The following CCDC24 variants were observed in gnomAD, a reference collection of about 807,000 sequenced individuals.
CCDC24 encodes the protein coiled-coil domain containing 24.
Under a neutral mutation model 31.6 loss-of-function variants are expected in CCDC24, and 34 were observed. The observed-to-expected ratio is 1.08, with a 90% confidence interval of 0.82 to 1.43. CCDC24 has a LOEUF of 1.43. CCDC24 is among the 40% of genes most tolerant of loss of function. The pLI is 0.00. For synonymous variants in CCDC24, 175 were observed against 157.3 expected (o/e 1.11, Z -0.84); for missense variants, 426 against 391.1 (o/e 1.09, Z -0.75).
In CCDC24 at chr1:43,995,256, G is replaced by T. The variant is rs762001301; in HGVS notation, c.552+94G>T. 2.5e-6 allele frequency: 3 copies of T among 1,201,850 alleles called. No homozygotes were observed. Among genetic ancestry groups the T allele is most frequent in the Non-Finnish European group, 3.6e-6 (3 of 841,762 alleles). The allele number at this position is 1,201,850 out of a possible 1,614,324, so 74.4% of individuals were successfully genotyped here. ...CATGTACCTGTGTGCATACATAGGT[G>T]CATGTACAGGCTATGTGAGTCCTGC... On this transcript the variant is annotated intron_variant, in intron 6 of 8. Coordinates refer to ENST00000372318, the MANE Select transcript of CCDC24 (RefSeq NM_152499.4). The surrounding 1 kb of genome is among the most constrained non-coding windows in gnomAD (Gnocchi z 4.3).
intron 5 of CCDC24, 195 bp from the exon 6 acceptor site, chr1:43,994,912 TC>T (rs772031154): frequency 1.7e-5 from 10 of 596,552 alleles, no homozygotes; most frequent in Non-Finnish European, 3.0e-5. Flanking sequence ...GGAAGATACT[TC>T]CTGCCCAGAA....
Position 43,995,078 on chromosome 1 carries a change from G to C in CCDC24, c.498-30G>C. The C allele has an allele frequency of 6.4e-7, 1 of 1,562,926 alleles. No homozygotes were observed. Among genetic ancestry groups the C allele is most frequent in the South Asian group, 1.2e-5 (1 of 84,950 alleles). On this transcript the variant is annotated intron_variant, in intron 5 of 8. Transcript: ENST00000372318. The surrounding 1 kb of genome is among the most constrained non-coding windows in gnomAD (Gnocchi z 4.3). ...AGCTGAGCCCTGGTCCTGTGTCTCGGGTTCTGGCTGCTGCTCCCTCATGTC... is the reference window on the plus strand; with the variant it reads ...AGCTGAGCCCTGGTCCTGTGTCTCGCGTTCTGGCTGCTGCTCCCTCATGTC...
At position 43,996,262 on chromosome 1, in the gene CCDC24, C is replaced by T. The variant is rs568479661; in HGVS notation, c.*102C>T. 4.1e-5 allele frequency: 46 copies of T among 1,125,902 alleles called. No individual in the cohort carries two copies. Among genetic ancestry groups the T allele is most frequent in the South Asian group, 2.8e-4 (17 of 61,812 alleles). 69.7% of individuals were successfully genotyped at this position (1,125,902 alleles called of 1,614,324 possible). A position where few individuals can be genotyped will look rare whatever the true frequency, so the allele number is the denominator to read the frequency against. On this transcript the variant is annotated 3_prime_UTR_variant, in exon 9 of 9. Transcript: ENST00000372318. ...CAGCCAGCTTCAGATCTGGTCTTGG[C>T]GAGCTCTCGCCAGGACCCCAAGGCT...
At chr1:43,993,646 CAAAAA>C (rs57838666) in intron 4 of CCDC24, among the ~76,000 whole-genome samples, 2 of 62,488 alleles carry the variant, frequency 3.2e-5, no homozygotes, top group Non-Finnish European at 3.6e-5. Flanking sequence ...AATCTTGTCT[CAAAAA>C]AAAAAAAAAA....
chr1:43,994,868 G>A (rs895128980), intron 5 of CCDC24: 18 of 584,156 alleles, frequency 3.1e-5, no homozygotes, highest in Non-Finnish European at 4.6e-5. Flanking sequence ...GTGTGGGAGA[G>A]AGAAGGATGC....
At position 43,995,358 on chromosome 1, in the gene CCDC24, G is replaced by T. The variant is rs1180329450; in HGVS notation, c.552+196G>T. On this transcript the variant is annotated intron_variant, in intron 6 of 8. Transcript: ENST00000372318. This position sits in a 1 kb window ranked among gnomAD's most constrained non-coding sequence, Gnocchi z 4.3. ...CCAGGATTCTAGTTGAGCCCTTAAG[G>T]CCAGGGCCAACCGTTTTAGGTCTTT... 8 of 726,630 alleles carry T rather than the reference G, an allele frequency of 1.1e-5. No homozygotes were observed. The African/African-American group carries it at 1.2e-4, about 11-fold the overall frequency. The allele number at this position is 726,630 out of a possible 1,614,324, so 45.0% of individuals were successfully genotyped here. A position where few individuals can be genotyped will look rare whatever the true frequency, so the allele number is the denominator to read the frequency against.
In CCDC24 at chr1:43,995,096, C is replaced by G; in HGVS notation, c.498-12C>G. 1 of 1,576,104 alleles carries G rather than the reference C, an allele frequency of 6.3e-7. No homozygotes were observed. Among genetic ancestry groups the G allele is most frequent in the South Asian group, 1.2e-5 (1 of 85,990 alleles). Reference sequence around the variant, plus strand: ...TGTCTCGGGTTCTGGCTGCTGCTCCCTCATGTCCCAGGGGCCTTCTGGAGG... The same window carrying G: ...TGTCTCGGGTTCTGGCTGCTGCTCCGTCATGTCCCAGGGGCCTTCTGGAGG... On this transcript the variant is annotated splice_polypyrimidine_tract_variant and intron_variant, in intron 5 of 8. Transcript: ENST00000372318. The surrounding 1 kb of genome is among the most constrained non-coding windows in gnomAD (Gnocchi z 4.3).
Position 43,992,301 on chromosome 1 carries a change from A to T in CCDC24, c.216A>T (p.Ala72=), listed in dbSNP as rs1375761909. 1 of 1,613,670 alleles carries T rather than the reference A, an allele frequency of 6.2e-7. No homozygotes were observed. The highest frequency in any genetic ancestry group is 1.7e-5 in the Admixed American group (1 of 59,996). ...TCTCTGACCCCTCTTCTCTTCTGGC[A>T]CCACCGCCTCTCCTAAAGGACCTCT... ...RPISDPSSLL[A]PPPLLKDLLR... Residue 72 remains alanine, a synonymous_variant, in exon 3 of 9, where the codon GCA becomes GCT. Coordinates refer to ENST00000372318, the MANE Select transcript of CCDC24 (RefSeq NM_152499.4).
At position 43,996,461 on chromosome 1, in the gene CCDC24, C is replaced by G. The variant is rs201668083; in HGVS notation, c.*301C>G. 42 of 384,576 alleles carry G rather than the reference C, an allele frequency of 1.1e-4. No homozygotes were observed. The highest frequency in any genetic ancestry group is 1.8e-4 in the Non-Finnish European group (39 of 215,074). 23.8% of individuals were successfully genotyped at this position (384,576 alleles called of 1,614,324 possible). On this transcript the variant is annotated 3_prime_UTR_variant, in exon 9 of 9. Transcript: ENST00000372318. ...GCCTGACTCTTGTCCCCTGGGGGAC[C>G]CAGACAAAGCACAGCAGCCGCTCAG...
At position 43,994,007 on chromosome 1, in the gene CCDC24, G is replaced by A. The variant is rs377755686; in HGVS notation, c.497+43G>A. 540 of 1,544,686 alleles carry A rather than the reference G, an allele frequency of 3.5e-4. 2 individuals are homozygous for A. The African/African-American group carries it at 6.8e-3, about 19-fold the overall frequency. On this transcript the variant is annotated intron_variant, in intron 5 of 8. Transcript: ENST00000372318. ...CTGCATGTGTATAGGCAGGGGTGGA[G>A]ACAAGGATGGATCTTGAGGTGCTGG...
chr1:43,994,763 C>T (rs1410889714), intron 5 of CCDC24: 2 of 325,564 alleles, frequency 6.1e-6, no homozygotes, highest in East Asian at 5.6e-5. Flanking sequence ...AAAATAAATA[C>T]CTTGACACAG....
At chr1:43,992,491 C>T in intron 3 of CCDC24, 32 bp from the exon 4 acceptor site, 4 of 1,613,416 alleles carry the variant, frequency 2.5e-6, no homozygotes, top group Non-Finnish European at 3.4e-6. Flanking sequence ...AGAAAGGAGC[C>T]TCTCAGCTTC....
At position 43,995,304 on chromosome 1, in the gene CCDC24, C is replaced by T. The variant is rs1036704126; in HGVS notation, c.552+142C>T. ...TGCATCCATTTCTCAGGGGTGCATG[C>T]TTGTGTGCACCTGCAAAATCCTGGA... On this transcript the variant is annotated intron_variant, in intron 6 of 8. Transcript: ENST00000372318. The surrounding 1 kb of genome is among the most constrained non-coding windows in gnomAD (Gnocchi z 4.3). 2.5e-5 allele frequency: 23 copies of T among 912,450 alleles called. No homozygotes were observed. In the East Asian group the frequency reaches 5.9e-4, roughly 23 times the overall value. The allele number at this position is 912,450 out of a possible 1,614,324, so 56.5% of individuals were successfully genotyped here. A position where few individuals can be genotyped will look rare whatever the true frequency, so the allele number is the denominator to read the frequency against.
At position 43,996,448 on chromosome 1, in the gene CCDC24, T is replaced by C; in HGVS notation, c.*288T>C. 2.5e-6 allele frequency: 1 copy of C among 402,290 alleles called. No homozygotes were observed. Among genetic ancestry groups the C allele is most frequent in the South Asian group, 7.0e-5 (1 of 14,340 alleles). The allele number at this position is 402,290 out of a possible 1,614,324, so 24.9% of individuals were successfully genotyped here. On this transcript the variant is annotated 3_prime_UTR_variant, in exon 9 of 9. Coordinates refer to ENST00000372318, the MANE Select transcript of CCDC24 (RefSeq NM_152499.4). ...AGGTCTCATTCCAGCCTGACTCTTG[T>C]CCCCTGGGGGACCCAGACAAAGCAC... is the stretch of plus-strand genomic sequence containing the variant.
Position 43,995,697 on chromosome 1 carries a change from C to T in CCDC24, c.622+27C>T. The T allele has an allele frequency of 1.2e-6, 2 of 1,613,146 alleles. No homozygotes were observed. The highest frequency in any genetic ancestry group is 1.7e-6 in the Non-Finnish European group (2 of 1,179,378). ...TGAGGACACGGAGCAGGGCCCAGAA[C>T]ACCCAGCCTCCTGCTCCCACCCCAC... On this transcript the variant is annotated intron_variant, in intron 7 of 8. Transcript: ENST00000372318. This position sits in a 1 kb window ranked among gnomAD's most constrained non-coding sequence, Gnocchi z 4.3.
chr1:43,991,870 C>A lies in CCDC24; in HGVS notation c.-9C>A. On this transcript the variant is annotated 5_prime_UTR_variant, in exon 2 of 9. Transcript: ENST00000372318. Reference sequence around the variant, plus strand: ...AGGTCCGAGCCGGGGACGGCGGCGTCGGTGGGTCATGCTCCGGCACTCCCC... The same window carrying A: ...AGGTCCGAGCCGGGGACGGCGGCGTAGGTGGGTCATGCTCCGGCACTCCCC... 6.4e-7 allele frequency: 1 copy of A among 1,551,538 alleles called. No homozygotes were observed. Among genetic ancestry groups the A allele is most frequent in the Non-Finnish European group, 8.7e-7 (1 of 1,147,248 alleles).
At chr1:43,993,847 G>A in intron 4 of CCDC24, 40 bp from the exon 5 acceptor site, 1 of 1,600,938 alleles carries the variant, frequency 6.2e-7, no homozygotes, top group Non-Finnish European at 8.6e-7. Flanking sequence ...AAGGCCTGGG[G>A]TGAGCAACAT....
chr1:43,995,543 A>T lies in CCDC24; in HGVS notation c.553-58A>T. ...CTGCCCTGGGGATCTTGGCCTCTGT[A>T]TCCTGCCTTGCCCCACCCCTGCCTT... On this transcript the variant is annotated intron_variant, in intron 6 of 8. Coordinates refer to ENST00000372318, the MANE Select transcript of CCDC24 (RefSeq NM_152499.4). The surrounding 1 kb of genome is among the most constrained non-coding windows in gnomAD (Gnocchi z 4.3). 6.6e-7 allele frequency: 1 copy of T among 1,507,946 alleles called. No individual in the cohort carries two copies. The highest frequency in any genetic ancestry group is 8.9e-7 in the Non-Finnish European group (1 of 1,119,492). The allele number at this position is 1,507,946 out of a possible 1,614,324, so 93.4% of individuals were successfully genotyped here.
chr1:43,995,300 C>T lies in CCDC24; in HGVS notation c.552+138C>T, dbSNP rs1241378487. On this transcript the variant is annotated intron_variant, in intron 6 of 8. Coordinates refer to ENST00000372318, the MANE Select transcript of CCDC24 (RefSeq NM_152499.4). This position sits in a 1 kb window ranked among gnomAD's most constrained non-coding sequence, Gnocchi z 4.3. Reference sequence around the variant, plus strand: ...GTCCTGCATCCATTTCTCAGGGGTGCATGCTTGTGTGCACCTGCAAAATCC... The same window carrying T: ...GTCCTGCATCCATTTCTCAGGGGTGTATGCTTGTGTGCACCTGCAAAATCC... 97 of 951,954 alleles carry T rather than the reference C, an allele frequency of 1.0e-4. No homozygotes were observed. 59.0% of individuals were successfully genotyped at this position (951,954 alleles called of 1,614,324 possible).
Sources: gnomAD v4.1 joint callset for allele counts (sites outside exome capture counted in the v4.1 genomes callset) on GRCh38, gnomAD v4.1.1 for gene constraint, Gnocchi (gnomAD v3.1) non-coding constraint, MANE v1.5 for transcripts, NCBI Gene and HGNC (gene_info 2026-07-23, HGNC 2026-07-21) for gene names.